The following MRPL30 variants were observed in gnomAD, a reference collection of about 807,000 sequenced individuals.
MRPL30 encodes the protein mitochondrial ribosomal protein L30.
A neutral mutation model predicts 17.2 loss-of-function variants in MRPL30; 10 were observed. The ratio of observed to expected loss-of-function variants is 0.58; its 90% CI spans 0.36 to 0.99. The LOEUF is 0.99. Ranked by LOEUF, MRPL30 falls within the 50% of genes least tolerant of loss-of-function variation. The probability of loss-of-function intolerance (pLI) is 0.01; values close to 1 mark genes in which losing one functional copy is unlikely to be tolerated. For synonymous variants in MRPL30, 61 were observed against 62.1 expected (o/e 0.98, Z 0.08); for missense variants, 170 against 189.8 (o/e 0.90, Z 0.61).
intron 2 of MRPL30, among the ~76,000 whole-genome samples, 187 bp from the exon 3 acceptor site, chr2:99,187,990 T>C (rs2093936852): frequency 6.6e-6 from 1 of 152,202 alleles, no homozygotes; most frequent in Admixed American, 6.5e-5. Flanking sequence ...AAAGTATATT[T>C]ATATGCTTTT....
intron 2 of MRPL30, among the ~76,000 whole-genome samples, chr2:99,187,413 G>C (rs1364841164): frequency 6.6e-6 from 1 of 152,234 alleles, no homozygotes; most frequent in Admixed American, 6.5e-5. Flanking sequence ...GATTTCTTTT[G>C]TATTGTCTTG....
intron 1 of MRPL30, among the ~76,000 whole-genome samples, chr2:99,184,082 G>GATT (rs150609029): frequency 7.7e-5 from 2 of 25,850 alleles, no homozygotes; most frequent in Non-Finnish European, 1.2e-4. Flanking sequence ...ATGAATTTAG[G>GATT]GTTATTTATT....
At chr2:99,192,600 G>A (rs1174752090) in intron 3 of MRPL30, among the ~76,000 whole-genome samples, 1 of 152,200 alleles carries the variant, frequency 6.6e-6, no homozygotes, top group African/African-American at 2.4e-5. Context: ...ATTCCATGGT[G>A]TATATGTACC....
At chr2:99,181,366 C>A in intron 1 of MRPL30, 117 bp downstream of exon 1, 1 of 168,902 alleles carries the variant, frequency 5.9e-6, no homozygotes, top group Non-Finnish European at 1.3e-5. Context: ...GTTACGGCAA[C>A]CTAAATGGGT....
In MRPL30 at chr2:99,195,615, G is replaced by GA. The variant is rs1476266216; in HGVS notation, c.398dup (p.Asn133LysfsTer4). The GA allele has an allele frequency of 6.2e-7, 1 of 1,612,290 alleles. No individual in the cohort carries two copies. Among genetic ancestry groups the GA allele is most frequent in the Non-Finnish European group, 8.5e-7 (1 of 1,179,684 alleles). ...TGCCACAAGGACTTCCAGCAGAGGA[G>GA]AACATGTCTAACACGTGCCTCAAAA... On this transcript the variant is annotated frameshift_variant, in exon 6 of 6. Coordinates refer to ENST00000338148, the MANE Select transcript of MRPL30 (RefSeq NM_145212.4). LOFTEE classifies it low-confidence loss of function (END_TRUNC).
At chr2:99,190,143 T>C (rs935247449) in intron 3 of MRPL30, among the ~76,000 whole-genome samples, 2 of 151,628 alleles carry the variant, frequency 1.3e-5, no homozygotes, top group African/African-American at 4.8e-5. Flanking sequence ...ATAATAATAG[T>C]AACTCCCCAT....
chr2:99,184,789 T>C (rs955498007), intron 1 of MRPL30, among the ~76,000 whole-genome samples: 2 of 152,234 alleles, frequency 1.3e-5, no homozygotes, highest in Admixed American at 6.5e-5. Context: ...TGCTGAGGAA[T>C]GTTTCTGAGG....
At chr2:99,194,675 C>G (rs1173764270) in intron 3 of MRPL30, 76 bp from the exon 4 acceptor site, 1 of 1,353,178 alleles carries the variant, frequency 7.4e-7, no homozygotes, top group Non-Finnish European at 1.0e-6. Context: ...GTGTGTGTGT[C>G]TTTTAAGAAA....
intron 3 of MRPL30, among the ~76,000 whole-genome samples, chr2:99,188,861 C>T (rs746949372): frequency 6.6e-6 from 1 of 151,980 alleles, no homozygotes; most frequent in African/African-American, 2.4e-5. Context: ...CCACCACACC[C>T]GGCTAATTTT....
intron 3 of MRPL30, among the ~76,000 whole-genome samples, chr2:99,193,298 G>A (rs1182782443): frequency 6.6e-6 from 1 of 152,166 alleles, no homozygotes; most frequent in Non-Finnish European, 1.5e-5. Context: ...CAGTCAGAGT[G>A]ACGATTATTA....
chr2:99,183,770 T>C (rs1196164765), intron 1 of MRPL30, among the ~76,000 whole-genome samples: 1 of 152,196 alleles, frequency 6.6e-6, no homozygotes, highest in Non-Finnish European at 1.5e-5. Context: ...GAACCAATAT[T>C]GATACGTTAT....
chr2:99,195,476 T>A (rs2093953565), intron 5 of MRPL30, 97 bp from the exon 6 acceptor site: 2 of 1,365,850 alleles, frequency 1.5e-6, no homozygotes, highest in Non-Finnish European at 2.0e-6. Context: ...TCCTAGCTAT[T>A]TGAAACTATG....
At chr2:99,183,738 G>A (rs1200454808) in intron 1 of MRPL30, among the ~76,000 whole-genome samples, 4 of 152,074 alleles carry the variant, frequency 2.6e-5, no homozygotes. Flanking sequence ...TTTCATGTTT[G>A]GTATACCTGT....
rs1055023485 is a variant in MRPL30 at position 99,188,186 on chromosome 2, A to G, written c.61A>G (p.Lys21Glu). 8 of 1,593,446 alleles carry G rather than the reference A, an allele frequency of 5.0e-6. No individual in the cohort carries two copies. The highest frequency in any genetic ancestry group is 1.7e-4 in the Middle Eastern group (1 of 5,974). ...TTATATCATATTTTAGACTGTGACA[A>G]AAGGTGTGGAGTCTCTTATTTGTAC... ...WPPGRLQTVT[K>E]GVESLICTDW... Residue 21 changes from lysine (K) to glutamate (E), a missense_variant, in exon 3 of 6, where the codon AAA becomes GAA. Coordinates refer to ENST00000338148, the MANE Select transcript of MRPL30 (RefSeq NM_145212.4).
Position 99,198,319 on chromosome 2 carries a change from TA to T in MRPL30, c.*2615del, listed in dbSNP as rs1453963759. On this transcript the variant is annotated 3_prime_UTR_variant, in exon 6 of 6. Transcript: ENST00000338148. ...AACGTGTCTGGCCAGGTGCTCATTG[TA>T]GCTTTGACAGGGAAGGGATCTGCTC... Among the ~76,000 whole-genome samples, 2 of 152,212 alleles carry T rather than the reference TA, an allele frequency of 1.3e-5. No homozygotes were observed. The highest frequency in any genetic ancestry group is 4.8e-5 in the African/African-American group (2 of 41,454).
At chr2:99,193,967 G>C (rs1469965931) in intron 3 of MRPL30, among the ~76,000 whole-genome samples, 1 of 150,834 alleles carries the variant, frequency 6.6e-6, no homozygotes, top group East Asian at 2.0e-4. Flanking sequence ...GAACCTTGGG[G>C]GCAGAGGTTG....
intron 1 of MRPL30, among the ~76,000 whole-genome samples, chr2:99,184,825 G>A (rs928915591): frequency 1.3e-5 from 2 of 152,220 alleles, no homozygotes; most frequent in Non-Finnish European, 2.9e-5. Flanking sequence ...GAGATGTCTT[G>A]CGTTGATTCT....
rs2093959963 is a variant in MRPL30, at chr2:99,199,527, CAA to C, written c.*3823_*3824del. The stretch of plus-strand genomic sequence containing the variant: ...TATTAAATGACATGAAATAAGTGCT[CAA>C]GAAGAAAAATAAACAATTCTTCATT... On this transcript the variant is annotated 3_prime_UTR_variant, in exon 6 of 6. Coordinates refer to ENST00000338148, the MANE Select transcript of MRPL30 (RefSeq NM_145212.4). Among the ~76,000 whole-genome samples the C allele has an allele frequency of 6.6e-6, 1 of 152,132 alleles. No homozygotes were observed. Among genetic ancestry groups the C allele is most frequent in the African/African-American group, 2.4e-5 (1 of 41,426 alleles).
At chr2:99,185,489 C>T (rs969929199) in intron 1 of MRPL30, among the ~76,000 whole-genome samples, 2 of 152,116 alleles carry the variant, frequency 1.3e-5, no homozygotes, top group African/African-American at 4.8e-5. Flanking sequence ...AGTTCATGAA[C>T]TTAATCTTTC....
Sources: gnomAD v4.1 joint callset for allele counts (sites outside exome capture counted in the v4.1 genomes callset) on GRCh38, gnomAD v4.1.1 for gene constraint, MANE v1.5 for transcripts, NCBI Gene and HGNC (gene_info 2026-07-23, HGNC 2026-07-21) for gene names.